Variants in UBE2E2 observed in about 807,000 individuals in gnomAD.
The protein encoded by UBE2E2 is ubiquitin conjugating enzyme E2 E2.
A neutral mutation model predicts 24.7 loss-of-function variants in UBE2E2; 6 were observed. The observed-to-expected ratio is 0.24, with a 90% CI of 0.13 to 0.48. UBE2E2 has a LOEUF of 0.48. UBE2E2 is among the 20% of genes least tolerant of loss of function. The probability of loss-of-function intolerance (pLI) is 0.99; values close to 1 mark genes in which losing one functional copy is unlikely to be tolerated. For synonymous variants in UBE2E2, 104 were observed against 83.6 expected (o/e 1.24, Z -1.33); for missense variants, 169 against 245.0 (o/e 0.69, Z 2.07).
chr3:23,296,984 T>A (rs1698929198), intron 3 of UBE2E2, among the ~76,000 whole-genome samples: 2 of 152,208 alleles, frequency 1.3e-5, no homozygotes, highest in Non-Finnish European at 2.9e-5. Context: ...TTTCCTGACT[T>A]TTTAATGATT....
At chr3:23,293,615 C>T (rs1698828001) in intron 3 of UBE2E2, among the ~76,000 whole-genome samples, 1 of 152,140 alleles carries the variant, frequency 6.6e-6, no homozygotes, top group African/African-American at 2.4e-5. Context: ...TATGATTATT[C>T]TCCCTATGGC....
At chr3:23,309,954 G>T (rs1197031942) in intron 3 of UBE2E2, among the ~76,000 whole-genome samples, 1 of 152,136 alleles carries the variant, frequency 6.6e-6, no homozygotes, top group Non-Finnish European at 1.5e-5. Flanking sequence ...GAAAGGAGAA[G>T]GGGGAGTCAC....
rs149955582 is a variant in UBE2E2, at chr3:23,514,065, G to A, written c.360+14325G>A. Among the ~76,000 whole-genome samples, 24 of 152,272 alleles carry A rather than the reference G, an allele frequency of 1.6e-4. No homozygotes were observed. In the East Asian group the frequency reaches 3.3e-3, roughly 21 times the overall value. ...ACTTCTTTGTCTTACAAGGCCCTAC[G>A]TGATCTCTCTGCCTGCCTCATCACA... On this transcript the variant is annotated intron_variant, in intron 4 of 5. Transcript: ENST00000396703.
intron 3 of UBE2E2, among the ~76,000 whole-genome samples, chr3:23,483,808 T>C (rs909496698): frequency 6.6e-6 from 1 of 152,188 alleles, no homozygotes; most frequent in Non-Finnish European, 1.5e-5. Flanking sequence ...ATCTAGGCCT[T>C]TTTGTTGTTG....
At chr3:23,504,535 A>G (rs1057450337) in intron 4 of UBE2E2, among the ~76,000 whole-genome samples, 2 of 152,192 alleles carry the variant, frequency 1.3e-5, no homozygotes, top group African/African-American at 2.4e-5. Context: ...GAAAAATTCT[A>G]TCAGTTTACA....
chr3:23,312,586 T>G (rs1374240126), intron 3 of UBE2E2, among the ~76,000 whole-genome samples: 1 of 152,172 alleles, frequency 6.6e-6, no homozygotes, highest in African/African-American at 2.4e-5. Context: ...TTCAGTTGTT[T>G]TGTTGATTTT....
intron 5 of UBE2E2, among the ~76,000 whole-genome samples, chr3:23,573,877 G>C (rs958059095): frequency 2.6e-5 from 4 of 152,060 alleles, no homozygotes; most frequent in Admixed American, 6.6e-5. Context: ...AGTAACAAAA[G>C]GGTAAAGTCT....
At chr3:23,502,932 C>G (rs1286239432) in intron 4 of UBE2E2, among the ~76,000 whole-genome samples, 1 of 152,080 alleles carries the variant, frequency 6.6e-6, no homozygotes, top group African/African-American at 2.4e-5. Context: ...AGGTCTTCAG[C>G]TGAGTATTTA....
At chr3:23,282,305 T>A (rs970902422) in intron 3 of UBE2E2, among the ~76,000 whole-genome samples, 2 of 152,248 alleles carry the variant, frequency 1.3e-5, no homozygotes, top group Admixed American at 1.3e-4. Context: ...GATGAATGTT[T>A]ATTATTAATA....
At chr3:23,288,760 A>ATTTTTAC (rs1371308262) in intron 3 of UBE2E2, among the ~76,000 whole-genome samples, 1 of 152,128 alleles carries the variant, frequency 6.6e-6, no homozygotes, top group Non-Finnish European at 1.5e-5. Context: ...CATATCTTAC[A>ATTTTTAC]ATGTAAAAAA....
intron 3 of UBE2E2, among the ~76,000 whole-genome samples, chr3:23,332,659 C>T (rs910011263): frequency 5.0e-5 from 6 of 118,882 alleles, no homozygotes; most frequent in Non-Finnish European, 7.4e-5. Flanking sequence ...CTTTGAGCTT[C>T]CTGGCAGCCA....
intron 3 of UBE2E2, among the ~76,000 whole-genome samples, chr3:23,303,527 A>G (rs1219392462): frequency 6.6e-6 from 1 of 152,148 alleles, no homozygotes; most frequent in Non-Finnish European, 1.5e-5. Flanking sequence ...GTCAGGTATA[A>G]ATTTTCCATG....
intron 4 of UBE2E2, among the ~76,000 whole-genome samples, chr3:23,507,384 T>C (rs934479939): frequency 2.0e-5 from 3 of 152,238 alleles, no homozygotes; most frequent in African/African-American, 7.2e-5. Flanking sequence ...CCAATTAGCA[T>C]GTAAGCTCAA....
intron 3 of UBE2E2, among the ~76,000 whole-genome samples, chr3:23,401,848 CTTTTTTTTTTTT>C (rs35903137): frequency 3.0e-5 from 2 of 67,704 alleles, no homozygotes; most frequent in South Asian, 5.7e-4. Flanking sequence ...TGCCTGGCTA[CTTTTTTTTTTTT>C]TTTTTTTTTT....
chr3:23,522,148 T>TGGCA, intron 4 of UBE2E2, among the ~76,000 whole-genome samples: 1 of 115,198 alleles, frequency 8.7e-6, no homozygotes, highest in South Asian at 3.0e-4. Context: ...TTTTTTTTTT[T>TGGCA]GAGGCAGAGT....
At chr3:23,423,646 G>A (rs1285712255) in intron 3 of UBE2E2, among the ~76,000 whole-genome samples, 3 of 152,062 alleles carry the variant, frequency 2.0e-5, no homozygotes, top group African/African-American at 4.8e-5. Flanking sequence ...TCCAGTGCGT[G>A]TATTTATTTC....
intron 3 of UBE2E2, among the ~76,000 whole-genome samples, chr3:23,370,750 A>G (rs1696380204): frequency 6.6e-6 from 1 of 152,180 alleles, no homozygotes; most frequent in Admixed American, 6.6e-5. Context: ...ATTCATTTGA[A>G]TAGAAAAAGA....
chr3:23,510,223 C>T (rs1397047068), intron 4 of UBE2E2, among the ~76,000 whole-genome samples: 1 of 152,122 alleles, frequency 6.6e-6, no homozygotes, highest in Non-Finnish European at 1.5e-5. Context: ...AAGATAGGAC[C>T]ACCTGTCCTT....
intron 3 of UBE2E2, among the ~76,000 whole-genome samples, chr3:23,484,198 C>T (rs1699314040): frequency 6.6e-6 from 1 of 152,212 alleles, no homozygotes; most frequent in Non-Finnish European, 1.5e-5. Context: ...TATGCTTTAT[C>T]TCCCTATACC....
Sources: allele counts gnomAD v4.1 joint callset (sites outside exome capture counted in the v4.1 genomes callset), GRCh38; gene constraint gnomAD v4.1.1; transcripts MANE v1.5; gene names NCBI Gene and HGNC (gene_info 2026-07-23, HGNC 2026-07-21).